Variants in ZFPM2 observed in about 807,000 individuals in gnomAD.
The protein encoded by ZFPM2 is zinc finger protein, FOG family member 2, also known as zinc finger protein ZFPM2.
A neutral mutation model predicts 98.6 loss-of-function variants in ZFPM2; 20 were observed. That is an observed-to-expected ratio of 0.20 (90% CI 0.14 to 0.29). The LOEUF is 0.29. ZFPM2 is among the 10% of genes least tolerant of loss of function. The pLI is 1.00. For missense variants in ZFPM2, 1,310 were observed against 1,388.6 expected (o/e 0.94, Z 0.90); for synonymous variants, 518 against 502.7 (o/e 1.03, Z -0.41).
chr8:105,372,004 AATTATTATTATTATT>A (rs139489210), intron 1 of ZFPM2, among the ~76,000 whole-genome samples: 7,880 of 145,688 alleles, frequency 0.054, 687 homozygotes, highest in African/African-American at 0.18. Context: ...AAAATAGTGA[AATTATTATTATTATT>A]ATTATTATTA....
At chr8:105,578,536 C>T (rs1264800543) in intron 4 of ZFPM2, among the ~76,000 whole-genome samples, 1 of 152,070 alleles carries the variant, frequency 6.6e-6, no homozygotes, top group Non-Finnish European at 1.5e-5. Context: ...TTCCATTCTG[C>T]AGATGTGATT....
At chr8:105,602,102 C>G (rs1816105436) in intron 4 of ZFPM2, among the ~76,000 whole-genome samples, 1 of 151,994 alleles carries the variant, frequency 6.6e-6, no homozygotes, top group Admixed American at 6.6e-5. Flanking sequence ...GTGAGTTATG[C>G]CCTTGACTTT....
At chr8:105,377,863 CTA>C (rs547651144) in intron 1 of ZFPM2, among the ~76,000 whole-genome samples, 11 of 152,168 alleles carry the variant, frequency 7.2e-5, no homozygotes, top group African/African-American at 2.6e-4. Context: ...GCACTTCAGA[CTA>C]TATATACTTC....
At chr8:105,383,435 A>C (rs1036688200) in intron 1 of ZFPM2, among the ~76,000 whole-genome samples, 60 of 152,166 alleles carry the variant, frequency 3.9e-4, no homozygotes, top group Non-Finnish European at 2.2e-4. Context: ...TCCAATGACA[A>C]ATAAATCTTA....
At chr8:105,389,983 G>A (rs1180205659) in intron 1 of ZFPM2, among the ~76,000 whole-genome samples, 5 of 152,148 alleles carry the variant, frequency 3.3e-5, no homozygotes, top group Non-Finnish European at 2.9e-5. Context: ...TTTGGTTTAA[G>A]TACGTCCCTT....
At chr8:105,445,032 A>G (rs757863392) in intron 3 of ZFPM2, among the ~76,000 whole-genome samples, 7 of 152,258 alleles carry the variant, frequency 4.6e-5, no homozygotes, top group Non-Finnish European at 8.8e-5. Flanking sequence ...AATTGATAGT[A>G]TATTTATAAA....
chr8:105,547,542 CAAAAAA>C (rs148322534), intron 3 of ZFPM2, among the ~76,000 whole-genome samples: 12 of 47,188 alleles, frequency 2.5e-4, no homozygotes, highest in African/African-American at 9.1e-4. Flanking sequence ...AACTCCATCT[CAAAAAA>C]AAAAAAAAAA....
intron 4 of ZFPM2, among the ~76,000 whole-genome samples, chr8:105,575,079 G>A (rs1388311343): frequency 1.3e-5 from 2 of 152,070 alleles, no homozygotes; most frequent in Non-Finnish European, 2.9e-5. Flanking sequence ...TTGTGAAAAT[G>A]ACAACTCTTC....
At position 105,330,127 on chromosome 8, in the gene ZFPM2, C is replaced by T. The variant is rs138086157; in HGVS notation, c.40+11146C>T. Among the ~76,000 whole-genome samples, 601 of 151,534 alleles carry T rather than the reference C, an allele frequency of 4.0e-3. 3 individuals carry two copies. Among genetic ancestry groups the T allele is most frequent in the African/African-American group, 0.014 (585 of 41,388 alleles). On this transcript the variant is annotated intron_variant, in intron 1 of 7. Transcript: ENST00000407775. ...AGAATAAAATGGTTTCCAGTGTTAG[C>T]CATAAAAATTAGTACCACTGTGACA... is the stretch of plus-strand genomic sequence containing the variant.
intron 5 of ZFPM2, among the ~76,000 whole-genome samples, chr8:105,755,833 C>A (rs1180931467): frequency 6.6e-6 from 1 of 152,028 alleles, no homozygotes; most frequent in Admixed American, 6.6e-5. Flanking sequence ...TATTGTGTTT[C>A]CCCGAGGTAA....
intron 3 of ZFPM2, among the ~76,000 whole-genome samples, chr8:105,445,763 A>G (rs1253031420): frequency 2.7e-5 from 4 of 150,756 alleles, no homozygotes; most frequent in Admixed American, 1.3e-4. Context: ...CACCACCACA[A>G]CTGCCTAATT....
intron 5 of ZFPM2, among the ~76,000 whole-genome samples, chr8:105,663,976 T>TA (rs1260817965): frequency 6.6e-6 from 1 of 152,180 alleles, no homozygotes; most frequent in African/African-American, 2.4e-5. Context: ...GGATTCTCAG[T>TA]AAAAATCAGC....
intron 3 of ZFPM2, among the ~76,000 whole-genome samples, chr8:105,491,957 C>A (rs1485611383): frequency 6.6e-6 from 1 of 152,102 alleles, no homozygotes; most frequent in Admixed American, 6.6e-5. Flanking sequence ...AAATACAACA[C>A]AAGTCATTAC....
chr8:105,650,552 G>A (rs1453521009), intron 5 of ZFPM2, among the ~76,000 whole-genome samples: 1 of 152,132 alleles, frequency 6.6e-6, no homozygotes, highest in African/African-American at 2.4e-5. Flanking sequence ...CTTTAAACGT[G>A]TCCCAGAGAT....
intron 3 of ZFPM2, among the ~76,000 whole-genome samples, chr8:105,461,665 C>CTT (rs1264586932): frequency 6.6e-6 from 1 of 152,132 alleles, no homozygotes; most frequent in African/African-American, 2.4e-5. Flanking sequence ...TTAGCATTCT[C>CTT]TTTTTCATTC....
At chr8:105,655,287 A>C (rs1402929920) in intron 5 of ZFPM2, among the ~76,000 whole-genome samples, 2 of 139,094 alleles carry the variant, frequency 1.4e-5, no homozygotes, top group South Asian at 4.5e-4. Context: ...GCTAGAGTGC[A>C]ATGGGGTGGT....
intron 4 of ZFPM2, among the ~76,000 whole-genome samples, chr8:105,573,472 A>G (rs147867201): frequency 6.6e-5 from 10 of 152,370 alleles, no homozygotes; most frequent in Admixed American, 2.0e-4. Context: ...AAGAAAATTC[A>G]GTGAACTTGA....
At chr8:105,369,067 C>T (rs969061207) in intron 1 of ZFPM2, among the ~76,000 whole-genome samples, 1 of 152,012 alleles carries the variant, frequency 6.6e-6, no homozygotes, top group Non-Finnish European at 1.5e-5. Context: ...ATGACTAGAG[C>T]AAATAATAAA....
intron 5 of ZFPM2, among the ~76,000 whole-genome samples, chr8:105,655,895 A>G (rs1481773655): frequency 1.3e-5 from 2 of 152,240 alleles, no homozygotes; most frequent in Non-Finnish European, 2.9e-5. Context: ...CATAAAGCTA[A>G]CAAATGGCAC....
Sources: allele counts gnomAD v4.1 joint callset (sites outside exome capture counted in the v4.1 genomes callset), GRCh38; gene constraint gnomAD v4.1.1; transcripts MANE v1.5; gene names NCBI Gene and HGNC (gene_info 2026-07-23, HGNC 2026-07-21).